PEMT: variants seen among roughly 807,000 people sequenced by gnomAD.
The protein encoded by PEMT is phosphatidylethanolamine N-methyltransferase.
Under a neutral mutation model 27.4 loss-of-function variants are expected in PEMT, and 23 were observed. The ratio of observed to expected loss-of-function variants is 0.84; its 90% confidence interval spans 0.60 to 1.19. The LOEUF (loss-of-function observed/expected upper bound fraction) is 1.19, where lower values mean the gene tolerates loss of function less well. Ranked by LOEUF, PEMT falls within the 50% of genes most tolerant of loss-of-function variation. The pLI is 0.00. For missense variants in PEMT, 307 were observed against 310.1 expected (o/e 0.99, Z 0.07); for synonymous variants, 137 against 139.1 (o/e 0.98, Z 0.11).
intron 1 of PEMT, among the ~76,000 whole-genome samples, chr17:17,585,256 T>A (rs973599247): frequency 3.3e-5 from 5 of 152,184 alleles, no homozygotes; most frequent in Non-Finnish European, 7.3e-5. Flanking sequence ...GAGAATCGCA[T>A]GAACCTGGGA....
chr17:17,577,512 G>A, intron 1 of PEMT: 1 of 1,001,810 alleles, frequency 1.0e-6, no homozygotes. Flanking sequence ...GGTGTGAGTG[G>A]GGCGGGGTAA....
chr17:17,577,995 C>T (rs1435456240), intron 1 of PEMT, among the ~76,000 whole-genome samples: 4 of 126,914 alleles, frequency 3.2e-5, no homozygotes, highest in Admixed American at 1.8e-4. Flanking sequence ...CCAGCCTGGG[C>T]AACAGAGTGA....
chr17:17,580,374 G>C (rs764208509), intron 1 of PEMT, among the ~76,000 whole-genome samples: 16 of 152,156 alleles, frequency 1.1e-4, no homozygotes, highest in Non-Finnish European at 2.2e-4. Flanking sequence ...CTACTCGGGA[G>C]GCTGAGGCAG....
intron 1 of PEMT, among the ~76,000 whole-genome samples, chr17:17,589,634 G>A (rs1331925558): frequency 6.6e-6 from 1 of 152,178 alleles, no homozygotes; most frequent in African/African-American, 2.4e-5. Context: ...CAGCTCAGAC[G>A]CCCATGGGGT....
intron 1 of PEMT, among the ~76,000 whole-genome samples, chr17:17,586,228 G>GA (rs1201077854): frequency 3.1e-5 from 2 of 65,120 alleles, no homozygotes; most frequent in Admixed American, 3.2e-4. Flanking sequence ...AAGAAAGAAA[G>GA]AAAGAAAGAA....
intron 2 of PEMT, among the ~76,000 whole-genome samples, chr17:17,566,174 AAC>A (rs1910813651): frequency 6.6e-6 from 1 of 152,210 alleles, no homozygotes. Flanking sequence ...TAAAGCAAAT[AAC>A]ACAGCCCCGC....
upstream of PEMT, chr17:17,591,922 C>T (rs910233102): frequency 3.0e-6 from 3 of 985,472 alleles, no homozygotes; most frequent in African/African-American, 1.7e-5. Flanking sequence ...GCCTCCCGCC[C>T]AGTGCCTTTG....
intron 2 of PEMT, among the ~76,000 whole-genome samples, chr17:17,567,693 G>A (rs1029938105): frequency 6.6e-6 from 1 of 152,230 alleles, no homozygotes; most frequent in African/African-American, 2.4e-5. Context: ...GCGGGGGAGA[G>A]CTAGGAGGGC....
chr17:17,537,414 C>T (rs909960134), intron 2 of PEMT, among the ~76,000 whole-genome samples: 1 of 152,232 alleles, frequency 6.6e-6, no homozygotes, highest in Non-Finnish European at 1.5e-5. Context: ...TGTGGTCCAG[C>T]GACAGCAGAG....
At chr17:17,525,948 C>T (rs761840558) in intron 2 of PEMT, among the ~76,000 whole-genome samples, 1 of 152,144 alleles carries the variant, frequency 6.6e-6, no homozygotes, top group Non-Finnish European at 1.5e-5. Context: ...GAGCTGAGAT[C>T]GTGCCACTGC....
intron 2 of PEMT, chr17:17,565,317 G>C (rs999696513): frequency 6.5e-6 from 1 of 152,708 alleles, no homozygotes; most frequent in Non-Finnish European, 1.5e-5. Context: ...CTGCAGGAGA[G>C]AGACCACACC....
chr17:17,553,958 G>C (rs1189058179), intron 2 of PEMT, among the ~76,000 whole-genome samples: 1 of 152,184 alleles, frequency 6.6e-6, no homozygotes, highest in East Asian at 1.9e-4. Context: ...AGCACACCCA[G>C]CCAGGGGTGG....
chr17:17,570,179 G>A (rs975051372), intron 2 of PEMT, among the ~76,000 whole-genome samples: 4 of 152,222 alleles, frequency 2.6e-5, no homozygotes, highest in Non-Finnish European at 5.9e-5. Context: ...TACCCTCCTT[G>A]ACACAGAAGG....
chr17:17,513,347 AGCACTTTGGGAGGCCG>A lies in PEMT; in HGVS notation c.321-709_321-694del, dbSNP rs1464484810. Among the ~76,000 whole-genome samples, 1 of 152,230 alleles carries A rather than the reference AGCACTTTGGGAGGCCG, an allele frequency of 6.6e-6. No homozygotes were observed. Among genetic ancestry groups the A allele is most frequent in the Non-Finnish European group, 1.5e-5 (1 of 68,034 alleles). On this transcript the variant is annotated intron_variant, in intron 3 of 6. Coordinates refer to ENST00000255389, the MANE Select transcript of PEMT (RefSeq NM_148172.3). This position sits in a 1 kb window ranked among gnomAD's most constrained non-coding sequence, Gnocchi z 4.1. Reference sequence around the variant, plus strand: ...TGTGGTGGCTCACGCCTGCAATCCCAGCACTTTGGGAGGCCGAGGTGGGCGGGTCACCTGAGGTCAG... The same window carrying A: ...TGTGGTGGCTCACGCCTGCAATCCCAAGGTGGGCGGGTCACCTGAGGTCAG...
intron 2 of PEMT, among the ~76,000 whole-genome samples, chr17:17,576,243 C>T (rs1324829208): frequency 5.9e-5 from 9 of 152,178 alleles, no homozygotes; most frequent in East Asian, 3.9e-4. Context: ...AAGGAACTGA[C>T]GGCCCTCCCC....
At position 17,523,658 on chromosome 17, in the gene PEMT, G is replaced by A. The variant is rs1907452555; in HGVS notation, c.205-1263C>T. On this transcript the variant is annotated intron_variant, in intron 2 of 6. Transcript: ENST00000255389. The surrounding 1 kb of genome is among the most constrained non-coding windows in gnomAD (Gnocchi z 4.8). ...CAGGTGGCCGCTGCTGACTCTGTGG[G>A]AAGCTCAAAAGGCGGAAGGAATAAG... 6.6e-6 allele frequency among the ~76,000 whole-genome samples: 1 copy of A among 152,100 alleles called. No individual in the cohort carries two copies. The highest frequency in any genetic ancestry group is 2.1e-4 in the South Asian group (1 of 4,822).
In PEMT at chr17:17,577,022, G is replaced by A. The variant is rs745540999; in HGVS notation, c.102C>T (p.Asp34=). ...CCAGCAGCCGGGTCATAACGCAGAA[G>A]TCTGCCTGCAGGGACAGAGCTAGCA... ...GLGNIDFRQA[D]FCVMTRLLGY... The change falls in exon 2 of 7, where the codon GAC becomes GAT. Residue 34 remains aspartate, a synonymous_variant. Transcript: ENST00000255389. The A allele has an allele frequency of 6.2e-7, 1 of 1,613,298 alleles. No individual in the cohort carries two copies. Among genetic ancestry groups the A allele is most frequent in the South Asian group, 1.1e-5 (1 of 91,066 alleles).
intron 2 of PEMT, among the ~76,000 whole-genome samples, chr17:17,560,032 C>T (rs760245864): frequency 2.6e-5 from 4 of 152,250 alleles, no homozygotes; most frequent in Non-Finnish European, 1.5e-5. Context: ...GTCTCCAAGA[C>T]AGTCACAGCG....
At chr17:17,550,077 G>T (rs1487647944) in intron 2 of PEMT, among the ~76,000 whole-genome samples, 1 of 152,130 alleles carries the variant, frequency 6.6e-6, no homozygotes, top group East Asian at 1.9e-4. Flanking sequence ...ATAGCGGGGG[G>T]GATCAGCAGG....
Sources: allele counts gnomAD v4.1 joint callset (sites outside exome capture counted in the v4.1 genomes callset), GRCh38; gene constraint gnomAD v4.1.1; non-coding constraint Gnocchi (gnomAD v3.1); transcripts MANE v1.5; gene names NCBI Gene and HGNC (gene_info 2026-07-23, HGNC 2026-07-21).